Variants in CSGALNACT1 observed in about 807,000 individuals in gnomAD.
CSGALNACT1 encodes chondroitin sulfate N-acetylgalactosaminyltransferase 1.
A neutral mutation model predicts 51.0 loss-of-function variants in CSGALNACT1; 52 were observed. That is an observed-to-expected ratio of 1.02 (90% CI 0.82 to 1.29). The LOEUF (loss-of-function observed/expected upper bound fraction) is 1.29, where lower values mean the gene tolerates loss of function less well. CSGALNACT1 is among the 50% of genes most tolerant of loss of function. The probability of loss-of-function intolerance (pLI) is 0.00; values close to 1 mark genes in which losing one functional copy is unlikely to be tolerated. For missense variants in CSGALNACT1, 935 were observed against 679.2 expected (o/e 1.38, Z -4.19); for synonymous variants, 341 against 254.4 (o/e 1.34, Z -3.24).
intron 3 of CSGALNACT1, among the ~76,000 whole-genome samples, chr8:19,537,653 A>C (rs1229408064): frequency 6.6e-6 from 1 of 152,148 alleles, no homozygotes. Context: ...CCCTTTCCAA[A>C]TTTATAAACC....
At chr8:19,546,416 A>G (rs2086481240) in intron 3 of CSGALNACT1, among the ~76,000 whole-genome samples, 1 of 152,204 alleles carries the variant, frequency 6.6e-6, no homozygotes, top group Non-Finnish European at 1.5e-5. Context: ...TCTCTGGAAT[A>G]TTAAGGACTT....
At chr8:19,667,020 G>GAAAGAAAGAAAGAAAGAAAAGAAAGA (rs1564386482) in intron 1 of CSGALNACT1, among the ~76,000 whole-genome samples, 1 of 27,272 alleles carries the variant, frequency 3.7e-5, no homozygotes, top group African/African-American at 2.2e-4. Context: ...AGAAAGAAAG[G>GAAAGAAAGAAAGAAAGAAAAGAAAGA]AAGGAAGGAA....
chr8:19,405,884 T>C, exon 10 of CSGALNACT1: 1 of 1,614,196 alleles, frequency 6.2e-7, no homozygotes, highest in Non-Finnish European at 8.5e-7. Flanking sequence ...GCCTCGTTCA[T>C]GGCCTTGGAC....
intron 3 of CSGALNACT1, among the ~76,000 whole-genome samples, chr8:19,548,561 T>C (rs746378740): frequency 6.6e-5 from 10 of 152,226 alleles, no homozygotes; most frequent in African/African-American, 9.6e-5. Context: ...TTTTCTCAAA[T>C]ATTATTTTTA....
intron 4 of CSGALNACT1, among the ~76,000 whole-genome samples, chr8:19,461,045 C>G (rs1029038236): frequency 2.0e-5 from 3 of 152,180 alleles, no homozygotes; most frequent in Non-Finnish European, 4.4e-5. Context: ...GGAGGAATTA[C>G]AAGGACTAAG....
At chr8:19,750,216 G>T (rs912269083) in intron 1 of CSGALNACT1, among the ~76,000 whole-genome samples, 1 of 152,044 alleles carries the variant, frequency 6.6e-6, no homozygotes, top group Non-Finnish European at 1.5e-5. Flanking sequence ...ACCTCTCTTG[G>T]GCTCCAAGCT....
rs190526936 is a variant in CSGALNACT1, at chr8:19,561,616, G to A, written c.-297+29544C>T. ...AGCAGGTGTGATGATTAAGATCCAC[G>A]TGCAGGCCTTCTCTCCCTTTACAAG... On this transcript the variant is annotated intron_variant, in intron 3 of 9. Transcript: ENST00000454498. Among the ~76,000 whole-genome samples, 271 of 152,340 alleles carry A rather than the reference G, an allele frequency of 1.8e-3. 2 individuals carry two copies. Among genetic ancestry groups the A allele is most frequent in the Non-Finnish European group, 1.7e-3 (113 of 68,030 alleles).
chr8:19,566,833 G>A (rs931191521), intron 3 of CSGALNACT1, among the ~76,000 whole-genome samples: 4 of 152,138 alleles, frequency 2.6e-5, no homozygotes, highest in African/African-American at 9.7e-5. Flanking sequence ...CGGAGTCTTA[G>A]AGCAAAAGCA....
chr8:19,622,495 G>T (rs965097492), intron 1 of CSGALNACT1, among the ~76,000 whole-genome samples: 3 of 152,136 alleles, frequency 2.0e-5, no homozygotes, highest in Admixed American at 2.0e-4. Context: ...TTCAAAACAA[G>T]GATTAAATAT....
chr8:19,753,885 G>T (rs983659222), intron 1 of CSGALNACT1, among the ~76,000 whole-genome samples: 27 of 152,140 alleles, frequency 1.8e-4, no homozygotes, highest in African/African-American at 6.3e-4. Context: ...CCTTGGAGTT[G>T]TTCAATAAAT....
At chr8:19,640,468 A>C (rs1344177068) in intron 1 of CSGALNACT1, among the ~76,000 whole-genome samples, 1 of 152,228 alleles carries the variant, frequency 6.6e-6, no homozygotes, top group Non-Finnish European at 1.5e-5. Context: ...GACATTCTCA[A>C]TGTAACTTTG....
At chr8:19,437,302 T>C (rs2153743063) in intron 6 of CSGALNACT1, among the ~76,000 whole-genome samples, 1 of 151,892 alleles carries the variant, frequency 6.6e-6, no homozygotes, top group Admixed American at 6.6e-5. Flanking sequence ...ATAATGGGAG[T>C]GCAGACAAAG....
At chr8:19,445,185 T>A (rs899828021) in intron 5 of CSGALNACT1, among the ~76,000 whole-genome samples, 1 of 152,142 alleles carries the variant, frequency 6.6e-6, no homozygotes, top group African/African-American at 2.4e-5. Context: ...AATGAAATCC[T>A]CTGTACATAA....
intron 3 of CSGALNACT1, among the ~76,000 whole-genome samples, chr8:19,538,037 G>C (rs983034884): frequency 2.6e-5 from 4 of 152,202 alleles, no homozygotes; most frequent in Non-Finnish European, 1.5e-5. Context: ...AGAACACTTG[G>C]TGGAGTGCAG....
chr8:19,674,388 C>A (rs2060015034), intron 1 of CSGALNACT1, among the ~76,000 whole-genome samples: 1 of 151,970 alleles, frequency 6.6e-6, no homozygotes, highest in African/African-American at 2.4e-5. Flanking sequence ...CAGCAGAGAT[C>A]AGAAGTTGAG....
chr8:19,732,072 T>A (rs1384990638), intron 1 of CSGALNACT1, among the ~76,000 whole-genome samples: 3 of 152,190 alleles, frequency 2.0e-5, no homozygotes, highest in Non-Finnish European at 4.4e-5. Context: ...TCCTCCAAGT[T>A]AAGAGAATTA....
intron 8 of CSGALNACT1, 52 bp from the exon 8 acceptor site, chr8:19,408,746 A>G (rs1380839661): frequency 1.9e-6 from 3 of 1,545,458 alleles, no homozygotes; most frequent in African/African-American, 2.7e-5. Context: ...GGACAAAAAT[A>G]GAGTGTTCAC....
intron 4 of CSGALNACT1, among the ~76,000 whole-genome samples, chr8:19,465,870 C>T (rs1330927178): frequency 1.3e-5 from 2 of 152,154 alleles, no homozygotes; most frequent in Non-Finnish European, 2.9e-5. Context: ...GAAGGATTTA[C>T]CCCCTGGAGT....
Position 19,563,870 on chromosome 8 carries a change from C to G in CSGALNACT1, c.-297+27290G>C, listed in dbSNP as rs374871396. 2.9e-3 allele frequency among the ~76,000 whole-genome samples: 444 copies of G among 152,264 alleles called. 2 individuals carry two copies. Among genetic ancestry groups the G allele is most frequent in the African/African-American group, 0.01 (425 of 41,558 alleles). On this transcript the variant is annotated intron_variant, in intron 3 of 9. Transcript: ENST00000454498. ...CCAACCTCCCCTTCAGCCCCTCCCC[C>G]AGGCATGTCCTCCCCAACCCTAGAC...
Sources: gnomAD v4.1 joint callset for allele counts (sites outside exome capture counted in the v4.1 genomes callset) on GRCh38, gnomAD v4.1.1 for gene constraint, MANE v1.5 for transcripts, NCBI Gene and HGNC (gene_info 2026-07-23, HGNC 2026-07-21) for gene names.